The following STK24 variants were observed in gnomAD, a reference collection of about 807,000 sequenced individuals.
STK24 encodes serine/threonine kinase 24, also known as serine/threonine-protein kinase 24.
STK24 carries 21 observed loss-of-function variants against 55.6 expected under a neutral mutation model. That is an observed-to-expected ratio of 0.38 (90% confidence interval 0.27 to 0.54). The LOEUF (loss-of-function observed/expected upper bound fraction) is 0.54. Among genes scored for constraint, STK24 ranks in the 20% least tolerant of loss-of-function variants. The probability of loss-of-function intolerance (pLI) is 0.79; values close to 1 mark genes in which losing one functional copy is unlikely to be tolerated. For missense variants in STK24, 383 were observed against 538.4 expected (o/e 0.71, Z 2.86); for synonymous variants, 200 against 215.2 (o/e 0.93, Z 0.62).
intron 2 of STK24, among the ~76,000 whole-genome samples, chr13:98,511,785 C>T (rs2139366622): frequency 1.4e-5 from 2 of 146,322 alleles, no homozygotes; most frequent in South Asian, 4.3e-4. Flanking sequence ...GGGGATGGTT[C>T]AGGAATTCTT....
chr13:98,568,819 A>C (rs1897658236), intron 1 of STK24, among the ~76,000 whole-genome samples: 1 of 152,172 alleles, frequency 6.6e-6, no homozygotes, highest in African/African-American at 2.4e-5. Context: ...CAGTGAATGA[A>C]GATCACGCCA....
chr13:98,570,041 T>TA (rs1480625570), intron 1 of STK24, among the ~76,000 whole-genome samples: 2,059 of 151,796 alleles, frequency 0.014, 55 homozygotes, highest in African/African-American at 0.047. Context: ...CACGCCCAGC[T>TA]GTTTTTTTTG....
chr13:98,463,688 T>TA lies in STK24; in HGVS notation c.929+2dup. 6.2e-7 allele frequency: 1 copy of TA among 1,613,226 alleles called. No homozygotes were observed. The highest frequency in any genetic ancestry group is 8.5e-7 in the Non-Finnish European group (1 of 1,179,354). The stretch of plus-strand genomic sequence containing the variant: ...TGCTTGGGTCACTCAGGGGCCGACT[T>TA]ACGCGTCGGAATCCTCGGAGCTCGA... On this transcript the variant is annotated splice_region_variant and intron_variant, in intron 7 of 10. Transcript: ENST00000539966.
In STK24 at chr13:98,453,123, G is replaced by C; in HGVS notation, c.*50C>G. ...CTCGTTGACTTTTAAAAAAGGAGGAGGATGAAGAAGGAAAAAAGGAAAAAC... is the reference window on the plus strand; with the variant it reads ...CTCGTTGACTTTTAAAAAAGGAGGACGATGAAGAAGGAAAAAAGGAAAAAC... On this transcript the variant is annotated 3_prime_UTR_variant, in exon 11 of 11. Transcript: ENST00000539966. 6.2e-7 allele frequency: 1 copy of C among 1,603,640 alleles called. No homozygotes were observed. The highest frequency in any genetic ancestry group is 1.3e-5 in the African/African-American group (1 of 74,688).
chr13:98,559,750 C>T (rs1897370706), intron 1 of STK24, among the ~76,000 whole-genome samples: 1 of 151,942 alleles, frequency 6.6e-6, no homozygotes, highest in East Asian at 1.9e-4. Context: ...ACCAATCATA[C>T]CAAAACAAAA....
rs534706488 is a variant in STK24, at chr13:98,461,055, AGAG to A, written c.1054-618_1054-616del. On this transcript the variant is annotated intron_variant, in intron 8 of 10. Transcript: ENST00000539966. ...AGAGACCCCGTCTCAAAAAAAAAAA[AGAG>A]AGAGAGAGAGAGAGAGAGAAAAGTA... Among the ~76,000 whole-genome samples the A allele has an allele frequency of 8.2e-4, 38 of 46,164 alleles. 1 individual carries two copies. Among genetic ancestry groups the A allele is most frequent in the South Asian group, 8.1e-3 (15 of 1,844 alleles). The allele number at this position is 46,164 out of a possible 152,430, so 30.3% of individuals were successfully genotyped here.
chr13:98,455,140 T>C (rs1893393065), intron 10 of STK24: 1 of 152,266 alleles, frequency 6.6e-6, no homozygotes. Flanking sequence ...TTGTTATTAA[T>C]GTTGAAATAA....
intron 1 of STK24, among the ~76,000 whole-genome samples, chr13:98,564,774 A>G (rs1161637289): frequency 6.6e-6 from 1 of 152,150 alleles, no homozygotes; most frequent in Non-Finnish European, 1.5e-5. Flanking sequence ...ACGCAGTAGC[A>G]TAAGCCTGTA....
intron 2 of STK24, among the ~76,000 whole-genome samples, chr13:98,494,926 G>A (rs567996667): frequency 2.6e-5 from 4 of 152,152 alleles, no homozygotes; most frequent in Admixed American, 6.5e-5. Flanking sequence ...GCTGCTCCTC[G>A]CCGCATCCAG....
chr13:98,506,845 TAC>T (rs1197656072), intron 2 of STK24, among the ~76,000 whole-genome samples: 1 of 152,216 alleles, frequency 6.6e-6, no homozygotes, highest in African/African-American at 2.4e-5. Context: ...CTAGGACAAA[TAC>T]AGTCTTTTGA....
rs67026041 is a variant in STK24, at chr13:98,560,904, G to GA, written c.42+15840dup. Among the ~76,000 whole-genome samples, 405 of 130,398 alleles carry GA rather than the reference G, an allele frequency of 3.1e-3. 1 individual carries two copies. The highest frequency in any genetic ancestry group is 0.013 in the South Asian group (53 of 4,108). 85.5% of individuals were successfully genotyped at this position (130,398 alleles called of 152,430 possible). A position where few individuals can be genotyped will look rare whatever the true frequency, so the allele number is the denominator to read the frequency against. On this transcript the variant is annotated intron_variant, in intron 1 of 10. Transcript: ENST00000539966. ...GGGCAAGACTCCGTCTCAAAAAAAA[G>GA]AAAAAAAAAAAAAACCATAATTCAG...
intron 5 of STK24, among the ~76,000 whole-genome samples, chr13:98,472,962 G>A (rs1331868810): frequency 6.6e-6 from 1 of 151,940 alleles, no homozygotes; most frequent in Non-Finnish European, 1.5e-5. Flanking sequence ...GCCGCACACT[G>A]AGGTGCCCAT....
intron 1 of STK24, among the ~76,000 whole-genome samples, chr13:98,550,339 G>A (rs1228723171): frequency 6.6e-6 from 1 of 152,170 alleles, no homozygotes; most frequent in African/African-American, 2.4e-5. Flanking sequence ...AGGAGTTTGA[G>A]ACCAGCCTGA....
chr13:98,472,132 G>A (rs915378468), intron 5 of STK24, among the ~76,000 whole-genome samples: 5 of 152,162 alleles, frequency 3.3e-5, no homozygotes, highest in African/African-American at 1.2e-4. Context: ...TGCGACAAGA[G>A]CTGCCAGTCC....
At chr13:98,536,094 G>C (rs1434322306) in intron 1 of STK24, among the ~76,000 whole-genome samples, 1 of 152,174 alleles carries the variant, frequency 6.6e-6, no homozygotes, top group Non-Finnish European at 1.5e-5. Context: ...AGGTGCGAAG[G>C]TCATAGACAA....
chr13:98,555,014 C>CAAAAAAAAAAA (rs398024117), intron 1 of STK24, among the ~76,000 whole-genome samples: 4 of 88,342 alleles, frequency 4.5e-5, no homozygotes, highest in Non-Finnish European at 4.5e-5. Flanking sequence ...GACTCCAACT[C>CAAAAAAAAAAA]AAAAAAAAAA....
intron 5 of STK24, among the ~76,000 whole-genome samples, chr13:98,470,131 T>C (rs528394825): frequency 2.0e-5 from 3 of 152,292 alleles, no homozygotes; most frequent in Admixed American, 6.5e-5. Context: ...CTAGGAAAAA[T>C]GACAGCAGAT....
At chr13:98,495,653 G>A (rs1354174913) in intron 2 of STK24, among the ~76,000 whole-genome samples, 2 of 152,192 alleles carry the variant, frequency 1.3e-5, no homozygotes, top group East Asian at 1.9e-4. Context: ...GTTACACTAG[G>A]ACAGTGTGTT....
At chr13:98,454,682 A>G (rs1893367952) in intron 10 of STK24, 1 of 152,234 alleles carries the variant, frequency 6.6e-6, no homozygotes, top group Non-Finnish European at 1.5e-5. Flanking sequence ...ATCCACTGAA[A>G]CAACATGTTT....
Sources: allele counts gnomAD v4.1 joint callset (sites outside exome capture counted in the v4.1 genomes callset), GRCh38; gene constraint gnomAD v4.1.1; transcripts MANE v1.5; gene names NCBI Gene and HGNC (gene_info 2026-07-23, HGNC 2026-07-21).